The following TUBB3 variants were observed in gnomAD, a reference collection of about 807,000 sequenced individuals.
TUBB3 encodes tubulin beta 3 class III.
A neutral mutation model predicts 37.8 loss-of-function variants in TUBB3; 17 were observed. That is an observed-to-expected ratio of 0.45 (90% CI 0.31 to 0.67). The LOEUF (loss-of-function observed/expected upper bound fraction) is 0.67, where lower values mean the gene tolerates loss of function less well. Among genes scored for constraint, TUBB3 ranks in the 30% least tolerant of loss-of-function variants. TUBB3 has a pLI of 0.07. For synonymous variants in TUBB3, 332 were observed against 278.9 expected, an observed-to-expected ratio of 1.19 and a Z score of -1.90; for missense variants, 262 against 657.9, an observed-to-expected ratio of 0.40 and a Z score of 6.58.
chr16:89,929,104 A>G (rs1433706266), intron 1 of TUBB3, among the ~76,000 whole-genome samples: 1 of 151,908 alleles, frequency 6.6e-6, no homozygotes, highest in African/African-American at 2.4e-5. Context: ...CTGAAATTAC[A>G]GGTGCGCGCT....
intron 1 of TUBB3, among the ~76,000 whole-genome samples, chr16:89,930,965 C>T (rs1383456589): frequency 6.6e-5 from 10 of 151,932 alleles, no homozygotes; most frequent in African/African-American, 2.4e-4. Flanking sequence ...GTAGCTGGGA[C>T]TACAGGCACC....
In TUBB3 at chr16:89,935,030, G is replaced by A. The variant is rs1263063165; in HGVS notation, c.579G>A (p.Val193=). 8.1e-6 allele frequency: 13 copies of A among 1,614,212 alleles called. No homozygotes were observed. The East Asian group carries it at 2.7e-4, about 33-fold the overall frequency. The stretch of plus-strand genomic sequence containing the variant: ...CCACGCTGTCCATCCACCAGCTGGT[G>A]GAGAACACGGATGAGACCTACTGCA... The part of the protein sequence containing the change: ...YNATLSIHQL[V]ENTDETYCID... Residue 193 remains valine (V), a synonymous_variant, in exon 4 of 4, where the codon GTG becomes GTA. Transcript: ENST00000315491.
intron 1 of TUBB3, among the ~76,000 whole-genome samples, chr16:89,926,909 G>T (rs1450834558): frequency 2.6e-5 from 4 of 151,728 alleles, no homozygotes; most frequent in Non-Finnish European, 5.9e-5. Flanking sequence ...TAGAGATGGG[G>T]TTTCTCCATC....
chr16:89,925,752 C>G (rs758627223), intron 1 of TUBB3, among the ~76,000 whole-genome samples: 17 of 152,212 alleles, frequency 1.1e-4, no homozygotes, highest in Non-Finnish European at 2.2e-4. Flanking sequence ...ACTCCCGCAG[C>G]TGATAGGGGG....
At chr16:89,933,141 T>A (rs1416032436) in intron 2 of TUBB3, 1 of 613,282 alleles carries the variant, frequency 1.6e-6, no homozygotes, top group Non-Finnish European at 3.0e-6. Context: ...TTGCCCAGGC[T>A]GGTCTCGAAC....
chr16:89,932,792 C>A (rs1712260891), intron 2 of TUBB3, 113 bp downstream of exon 2: 1 of 875,636 alleles, frequency 1.1e-6, no homozygotes, highest in South Asian at 1.4e-5. Flanking sequence ...TCTGTCCTCC[C>A]ATGGGTTAGG....
chr16:89,932,624 G>A lies in TUBB3; in HGVS notation c.111G>A (p.Val37=), dbSNP rs1438694879. 1 of 1,614,132 alleles carries A rather than the reference G, an allele frequency of 6.2e-7. No homozygotes were observed. Among genetic ancestry groups the A allele is most frequent in the South Asian group, 1.1e-5 (1 of 91,088 alleles). ...EHGIDPSGNY[V]GDSDLQLERI... Reference sequence around the variant, plus strand: ...GCATCGACCCCAGCGGCAACTACGTGGGCGACTCGGACTTGCAGCTGGAGC... The same window carrying A: ...GCATCGACCCCAGCGGCAACTACGTAGGCGACTCGGACTTGCAGCTGGAGC... Residue 37 remains valine (V), a synonymous_variant, in exon 2 of 4, where the codon GTG becomes GTA. Coordinates refer to ENST00000315491, the MANE Select transcript of TUBB3 (RefSeq NM_006086.4).
At chr16:89,924,308 T>C (rs2029994039) in intron 1 of TUBB3, among the ~76,000 whole-genome samples, 1 of 152,184 alleles carries the variant, frequency 6.6e-6, no homozygotes, top group South Asian at 2.1e-4. Flanking sequence ...CCTGGGAGGC[T>C]GTCCCTGGCC....
intron 3 of TUBB3, 150 bp downstream of exon 3, chr16:89,933,728 G>T (rs1180145355): frequency 1.3e-6 from 1 of 745,264 alleles, no homozygotes; most frequent in Non-Finnish European, 2.4e-6. Flanking sequence ...TTACAGCTGG[G>T]CATTGGAGGC....
intron 1 of TUBB3, among the ~76,000 whole-genome samples, chr16:89,930,371 G>A (rs1336689701): frequency 6.6e-6 from 1 of 151,888 alleles, no homozygotes; most frequent in East Asian, 1.9e-4. Flanking sequence ...CCAAAGTGCA[G>A]GGATTATGGG....
At position 89,934,280 on chromosome 16, in the gene TUBB3, C is replaced by T. The variant is rs559035262; in HGVS notation, c.278-449C>T. 56 of 467,632 alleles carry T rather than the reference C, an allele frequency of 1.2e-4. 1 individual carries two copies. The highest frequency in any genetic ancestry group is 7.6e-4 in the South Asian group (49 of 64,552). 29.0% of individuals were successfully genotyped at this position (467,632 alleles called of 1,614,324 possible). ...GTGTCCTGGGGCGGGGCCGTGGACGCGCCACAGAAACAGGAGGGCCTCGCT... is the reference window on the plus strand; with the variant it reads ...GTGTCCTGGGGCGGGGCCGTGGACGTGCCACAGAAACAGGAGGGCCTCGCT... On this transcript the variant is annotated intron_variant, in intron 3 of 3. Coordinates refer to ENST00000315491, the MANE Select transcript of TUBB3 (RefSeq NM_006086.4).
intron 1 of TUBB3, among the ~76,000 whole-genome samples, chr16:89,927,256 C>T (rs979859044): frequency 5.9e-5 from 9 of 151,378 alleles, no homozygotes; most frequent in African/African-American, 1.5e-4. Flanking sequence ...GGAGGCACGC[C>T]GGCCTGTGGT....
Position 89,923,468 on chromosome 16 carries a change from C to A in TUBB3, c.57+10C>A. 1.4e-6 allele frequency: 2 copies of A among 1,479,618 alleles called. No individual in the cohort carries two copies. The highest frequency in any genetic ancestry group is 3.0e-5 in the East Asian group (1 of 33,166). The allele number at this position is 1,479,618 out of a possible 1,614,324, so 91.7% of individuals were successfully genotyped here. ...CCAGATCGGGGCCAAGGTGAGGCTG[C>A]GCGCCCCGGCCTGTCCCGGGCCCCG... On this transcript the variant is annotated intron_variant, in intron 1 of 3. Transcript: ENST00000315491.
intron 1 of TUBB3, among the ~76,000 whole-genome samples, chr16:89,926,308 T>A (rs2030080903): frequency 6.6e-6 from 1 of 151,538 alleles, no homozygotes; most frequent in Admixed American, 6.6e-5. Flanking sequence ...GGAGGCGGAG[T>A]CCCTGGCTCG....
intron 1 of TUBB3, among the ~76,000 whole-genome samples, chr16:89,930,677 G>A (rs2030250869): frequency 1.3e-5 from 2 of 152,104 alleles, no homozygotes; most frequent in African/African-American, 4.8e-5. Context: ...GGTATTACAG[G>A]CGTGAGCCAC....
intron 3 of TUBB3, 112 bp from the exon 4 acceptor site, chr16:89,934,615 GAC>G: frequency 9.4e-7 from 1 of 1,064,260 alleles, no homozygotes; most frequent in East Asian, 2.6e-5. Flanking sequence ...CTTTACAGAA[GAC>G]AGAACAGGCA....
At chr16:89,929,120 G>A (rs548825950) in intron 1 of TUBB3, among the ~76,000 whole-genome samples, 112 of 151,978 alleles carry the variant, frequency 7.4e-4, no homozygotes, top group African/African-American at 2.5e-3. Flanking sequence ...GCGCTACCAC[G>A]CCCGGCTAAT....
Position 89,935,877 on chromosome 16 carries a change from C to T in TUBB3, c.*73C>T. Reference sequence around the variant, plus strand: ...CCAGCAGTGTCTAAACCCCCGGAGCCATCTTGCTGCCGACACCCTGCTTTC... The same window carrying T: ...CCAGCAGTGTCTAAACCCCCGGAGCTATCTTGCTGCCGACACCCTGCTTTC... On this transcript the variant is annotated 3_prime_UTR_variant, in exon 4 of 4. Coordinates refer to ENST00000315491, the MANE Select transcript of TUBB3 (RefSeq NM_006086.4). The T allele has an allele frequency of 2.0e-6, 3 of 1,520,044 alleles. No homozygotes were observed. Among genetic ancestry groups the T allele is most frequent in the Non-Finnish European group, 2.7e-6 (3 of 1,127,902 alleles). 94.2% of individuals were successfully genotyped at this position (1,520,044 alleles called of 1,614,324 possible). A position where few individuals can be genotyped will look rare whatever the true frequency, so the allele number is the denominator to read the frequency against.
chr16:89,929,727 T>A (rs73275939), intron 1 of TUBB3, among the ~76,000 whole-genome samples: 31,345 of 151,960 alleles, frequency 0.21, 5,901 homozygotes, highest in African/African-American at 0.5. Context: ...TTTGAGACGG[T>A]GTTTCCTTCT....
Sources: gnomAD v4.1 joint callset for allele counts (sites outside exome capture counted in the v4.1 genomes callset) on GRCh38, gnomAD v4.1.1 for gene constraint, MANE v1.5 for transcripts, NCBI Gene and HGNC (gene_info 2026-07-23, HGNC 2026-07-21) for gene names.